The following FNBP1 variants were observed in gnomAD, a reference collection of about 807,000 sequenced individuals.
FNBP1 encodes the protein formin-binding protein 1.
In FNBP1, 26 loss-of-function variants were observed where a neutral mutation model predicts 90.6. That is an observed-to-expected ratio of 0.29 (90% CI 0.21 to 0.40). The LOEUF (loss-of-function observed/expected upper bound fraction) is 0.40, where lower values mean the gene tolerates loss of function less well. FNBP1 is among the 10% of genes least tolerant of loss of function. The probability of loss-of-function intolerance (pLI) is 1.00; values close to 1 mark genes in which losing one functional copy is unlikely to be tolerated. For missense variants in FNBP1, 635 were observed against 768.0 expected (o/e 0.83, Z 2.05); for synonymous variants, 260 against 265.2 (o/e 0.98, Z 0.19).
At chr9:129,944,295 C>CT (rs2044840975) in intron 6 of FNBP1, among the ~76,000 whole-genome samples, 1 of 152,038 alleles carries the variant, frequency 6.6e-6, no homozygotes. Context: ...GTAATCCCAG[C>CT]ACTTTGGGAG....
At chr9:130,021,842 T>C (rs975591027) in intron 1 of FNBP1, among the ~76,000 whole-genome samples, 1 of 152,236 alleles carries the variant, frequency 6.6e-6, no homozygotes, top group African/African-American at 2.4e-5. Flanking sequence ...GTCTAAGAGA[T>C]AGCTAAGATG....
chr9:129,990,705 G>A (rs2052999708), intron 2 of FNBP1, among the ~76,000 whole-genome samples: 1 of 152,098 alleles, frequency 6.6e-6, no homozygotes, highest in African/African-American at 2.4e-5. Flanking sequence ...GGGAATAGGG[G>A]ATAGAGGTAG....
At chr9:130,006,167 G>A (rs1019343245) in intron 1 of FNBP1, among the ~76,000 whole-genome samples, 3 of 152,200 alleles carry the variant, frequency 2.0e-5, no homozygotes, top group Non-Finnish European at 4.4e-5. Flanking sequence ...TACAGGCTGG[G>A]TATGGTGGCT....
chr9:129,919,144 C>T, intron 10 of FNBP1: 1 of 1,239,550 alleles, frequency 8.1e-7, no homozygotes. Context: ...ACCTGGCCAT[C>T]ACAGGTGAAC....
intron 6 of FNBP1, among the ~76,000 whole-genome samples, chr9:129,930,564 T>C (rs1189590346): frequency 6.6e-6 from 1 of 152,236 alleles, no homozygotes; most frequent in Non-Finnish European, 1.5e-5. Flanking sequence ...TTTACTGCAT[T>C]GCTTTTCTCC....
chr9:130,023,666 G>A (rs2058067190), intron 1 of FNBP1, among the ~76,000 whole-genome samples: 1 of 151,758 alleles, frequency 6.6e-6, no homozygotes, highest in African/African-American at 2.4e-5. Context: ...TCAGATCTGA[G>A]CCCCACTCAC....
At chr9:129,948,356 C>CTTTTTTTTTTTTTTTTTTTTTTTTTTTT (rs71385491) in intron 6 of FNBP1, among the ~76,000 whole-genome samples, 2 of 64,480 alleles carry the variant, frequency 3.1e-5, no homozygotes, top group African/African-American at 7.0e-5. Context: ...ATTTTGGTGT[C>CTTTTTTTTTTTTTTTTTTTTTTTTTTTT]TTTTTTTTTT....
At chr9:130,005,585 C>T (rs1169173237) in intron 1 of FNBP1, among the ~76,000 whole-genome samples, 1 of 152,108 alleles carries the variant, frequency 6.6e-6, no homozygotes. Context: ...TTGTGATCTG[C>T]CCACCTCAGC....
intron 1 of FNBP1, among the ~76,000 whole-genome samples, chr9:129,997,062 C>T (rs1377381473): frequency 3.3e-5 from 5 of 151,800 alleles, no homozygotes; most frequent in African/African-American, 7.3e-5. Flanking sequence ...AGGTGGCTCA[C>T]GCCTGTAATC....
At chr9:129,925,939 C>T (rs375528276) in intron 8 of FNBP1, among the ~76,000 whole-genome samples, 7 of 151,586 alleles carry the variant, frequency 4.6e-5, no homozygotes, top group African/African-American at 7.3e-5. Context: ...GCTTTTCATC[C>T]GAGCTTTTAG....
chr9:130,029,270 C>T (rs1387746149), intron 1 of FNBP1, among the ~76,000 whole-genome samples: 2 of 152,096 alleles, frequency 1.3e-5, no homozygotes, highest in African/African-American at 4.8e-5. Context: ...ATCCTCCCAA[C>T]TCAGCCACCT....
chr9:129,956,264 AAAT>A, intron 6 of FNBP1, among the ~76,000 whole-genome samples: 1 of 152,206 alleles, frequency 6.6e-6, no homozygotes, highest in Non-Finnish European at 1.5e-5. Context: ...AGAATTTGGC[AAAT>A]AATAGTTCAC....
intron 2 of FNBP1, among the ~76,000 whole-genome samples, chr9:129,985,792 G>A (rs564845765): frequency 2.0e-4 from 30 of 151,734 alleles, no homozygotes; most frequent in African/African-American, 5.3e-4. Flanking sequence ...GTGAAACCCC[G>A]TCTCTACTAA....
At chr9:129,993,476 A>AC (rs1277341483) in intron 2 of FNBP1, among the ~76,000 whole-genome samples, 3 of 60,764 alleles carry the variant, frequency 4.9e-5, no homozygotes, top group Non-Finnish European at 1.3e-4. Flanking sequence ...GATCCAAAGT[A>AC]CTTAAAAAAA....
At position 130,014,408 on chromosome 9, in the gene FNBP1, C is replaced by T. The variant is rs373027598; in HGVS notation, c.25-19450G>A. Among the ~76,000 whole-genome samples the T allele has an allele frequency of 1.1e-4, 17 of 152,048 alleles. No individual in the cohort carries two copies. The South Asian group carries it at 2.9e-3, about 26-fold the overall frequency. ...CTGGGAATACAGGTGCACGCCACCA[C>T]GCCTGGCTAATTTTTGTATTTTTAG... On this transcript the variant is annotated intron_variant, in intron 1 of 16. Transcript: ENST00000446176.
At chr9:129,975,078 G>A (rs1488834762) in intron 4 of FNBP1, among the ~76,000 whole-genome samples, 1 of 152,048 alleles carries the variant, frequency 6.6e-6, no homozygotes, top group African/African-American at 2.4e-5. Context: ...AATCAGCCGG[G>A]CATGGTAGGG....
rs12684449 is a variant in FNBP1, at chr9:129,890,957, C to T, written c.1847-411G>A. On this transcript the variant is annotated intron_variant, in intron 16 of 16. Coordinates refer to ENST00000446176, the MANE Select transcript of FNBP1 (RefSeq NM_015033.3). This position sits in a 1 kb window ranked among gnomAD's most constrained non-coding sequence, Gnocchi z 5.8. ...AGATCACGAGGTCAGGAGTTCAAGA[C>T]CAGCCTGGCTAACATGGTGAAAACC... Among the ~76,000 whole-genome samples, 34 of 152,100 alleles carry T rather than the reference C, an allele frequency of 2.2e-4. No individual in the cohort carries two copies. The East Asian group carries it at 6.6e-3, about 29-fold the overall frequency.
intron 4 of FNBP1, among the ~76,000 whole-genome samples, chr9:129,972,432 C>T (rs2049607410): frequency 6.6e-6 from 1 of 152,134 alleles, no homozygotes; most frequent in Non-Finnish European, 1.5e-5. Flanking sequence ...GCCACTGTGC[C>T]TGGCCCAATT....
intron 1 of FNBP1, among the ~76,000 whole-genome samples, chr9:130,005,816 T>A (rs1470301170): frequency 6.6e-6 from 1 of 152,208 alleles, no homozygotes; most frequent in East Asian, 1.9e-4. Context: ...TTCCAAACAC[T>A]ATGGTGACTT....
Sources: gnomAD v4.1 joint callset for allele counts (sites outside exome capture counted in the v4.1 genomes callset) on GRCh38, gnomAD v4.1.1 for gene constraint, Gnocchi (gnomAD v3.1) non-coding constraint, MANE v1.5 for transcripts, NCBI Gene and HGNC (gene_info 2026-07-23, HGNC 2026-07-21) for gene names.